EPHX1: variants seen among roughly 807,000 people sequenced by gnomAD.
EPHX1 encodes epoxide hydrolase 1.
In EPHX1, 40 loss-of-function variants were observed where a neutral mutation model predicts 43.2. That is an observed-to-expected ratio of 0.93 (90% confidence interval 0.72 to 1.21). The LOEUF is 1.21. EPHX1 is among the 50% of genes most tolerant of loss of function. EPHX1 has a pLI of 0.00. For missense variants in EPHX1, 550 were observed against 570.4 expected, an observed-to-expected ratio of 0.96 and a Z score of 0.36; for synonymous variants, 221 against 226.7, an observed-to-expected ratio of 0.98 and a Z score of 0.22.
chr1:225,832,705 C>G (rs1667681530), intron 3 of EPHX1, among the ~76,000 whole-genome samples: 1 of 152,214 alleles, frequency 6.6e-6, no homozygotes, highest in South Asian at 2.1e-4. Context: ...AAATCCTTGC[C>G]AATATTTTTT....
At chr1:225,837,820 CA>C (rs1197541416) in intron 3 of EPHX1, among the ~76,000 whole-genome samples, 1 of 151,930 alleles carries the variant, frequency 6.6e-6, no homozygotes, top group Non-Finnish European at 1.5e-5. Context: ...ACACCAGGCC[CA>C]AAAATACTCC....
At position 225,840,627 on chromosome 1, in the gene EPHX1, C is replaced by T. The variant is rs944192148; in HGVS notation, c.931+590C>T. Among the ~76,000 whole-genome samples the T allele has an allele frequency of 1.8e-4, 27 of 152,324 alleles. 1 individual carries two copies. The highest frequency in any genetic ancestry group is 1.7e-3 in the Admixed American group (26 of 15,298). On this transcript the variant is annotated intron_variant, in intron 6 of 8. Coordinates refer to ENST00000272167, the MANE Select transcript of EPHX1 (RefSeq NM_001136018.4). ...ATCCACAGAGTAATATCAATTAAAT[C>T]TCCATGGGACAAAATTCATTTGCCT... is the stretch of plus-strand genomic sequence containing the variant.
intron 3 of EPHX1, among the ~76,000 whole-genome samples, chr1:225,836,228 A>G (rs1231893306): frequency 6.6e-6 from 1 of 152,182 alleles, no homozygotes; most frequent in Non-Finnish European, 1.5e-5. Context: ...AATGGATATC[A>G]GGGGAAAAAC....
chr1:225,815,516 G>C (rs1465876844), intron 1 of EPHX1, among the ~76,000 whole-genome samples: 1 of 148,292 alleles, frequency 6.7e-6, no homozygotes, highest in African/African-American at 2.5e-5. Flanking sequence ...GCCTCCCAAA[G>C]TACTGGGATT....
chr1:225,812,078 G>A (rs1158429405), intron 1 of EPHX1, among the ~76,000 whole-genome samples: 1 of 152,162 alleles, frequency 6.6e-6, no homozygotes, highest in Non-Finnish European at 1.5e-5. Context: ...GCTGCCTGGG[G>A]TGCAGGTGCA....
intron 3 of EPHX1, among the ~76,000 whole-genome samples, chr1:225,833,077 C>T (rs778602173): frequency 7.9e-5 from 12 of 152,206 alleles, no homozygotes; most frequent in Non-Finnish European, 1.6e-4. Flanking sequence ...ACCACAGCCT[C>T]GAACTCCTGG....
At chr1:225,835,504 C>T (rs377098044) in intron 3 of EPHX1, among the ~76,000 whole-genome samples, 2 of 151,802 alleles carry the variant, frequency 1.3e-5, no homozygotes, top group East Asian at 1.9e-4. Context: ...ATTCTCCTGC[C>T]TCAGCCTCCC....
Position 225,844,549 on chromosome 1 carries a change from AG to A in EPHX1, c.1094del (p.Gly365AlafsTer19). ...LTNVMLYWTT[G>X]TIISSQRFYK... ...CCAACGTCATGCTCTACTGGACAAC[AG>A]GCACCATCATCTCCTCCCAGCGCTT... On this transcript the variant is annotated frameshift_variant, in exon 8 of 9. Transcript: ENST00000272167. LOFTEE classifies it high-confidence loss of function. 1.2e-6 allele frequency: 2 copies of A among 1,614,184 alleles called. No homozygotes were observed. The highest frequency in any genetic ancestry group is 1.7e-6 in the Non-Finnish European group (2 of 1,180,018).
chr1:225,825,589 CT>C (rs1667192282), intron 1 of EPHX1: 1 of 152,230 alleles, frequency 6.6e-6, no homozygotes, highest in South Asian at 2.1e-4. Flanking sequence ...GGTGATCCCT[CT>C]TTATTGTTCT....
In EPHX1 at chr1:225,845,409, G is replaced by A; in HGVS notation, c.*62G>A. The A allele has an allele frequency of 6.6e-7, 1 of 1,507,940 alleles. No homozygotes were observed. The highest frequency in any genetic ancestry group is 8.9e-7 in the Non-Finnish European group (1 of 1,121,748). 93.4% of individuals were successfully genotyped at this position (1,507,940 alleles called of 1,614,324 possible). ...AAGTGCCCTCCAGGCTTTTCTTGGG[G>A]AAGATACCCCTTTTCTGAGGAATGA... On this transcript the variant is annotated 3_prime_UTR_variant, in exon 9 of 9. Transcript: ENST00000272167.
intron 7 of EPHX1, 52 bp from the exon 8 acceptor site, chr1:225,844,446 C>A: frequency 1.9e-6 from 3 of 1,613,316 alleles, no homozygotes; most frequent in Non-Finnish European, 2.5e-6. Flanking sequence ...TGCCCTTTGT[C>A]ACACAACTGC....
At chr1:225,815,676 A>G (rs1666694775) in intron 1 of EPHX1, among the ~76,000 whole-genome samples, 1 of 151,996 alleles carries the variant, frequency 6.6e-6, no homozygotes, top group Non-Finnish European at 1.5e-5. Context: ...AAACAAACTA[A>G]CCTTCACCAC....
At chr1:225,814,958 A>G (rs1666650521) in intron 1 of EPHX1, among the ~76,000 whole-genome samples, 1 of 152,380 alleles carries the variant, frequency 6.6e-6, no homozygotes, top group East Asian at 1.9e-4. Context: ...TCCTGCAGTG[A>G]TAAGAGAAGA....
Position 225,845,158 on chromosome 1 carries a change from T to C in EPHX1, c.1179T>C (p.Tyr393=), listed in dbSNP as rs1299009815. The C allele has an allele frequency of 2.5e-6, 4 of 1,614,052 alleles. No individual in the cohort carries two copies. Among genetic ancestry groups the C allele is most frequent in the Admixed American group, 1.7e-5 (1 of 60,014 alleles). The part of the protein sequence containing the change: ...MTQKHERMKV[Y]VPTGFSAFPF... ...CTTTCACTTCCAGGATGAAGGTCTA[T>C]GTGCCCACTGGCTTCTCTGCCTTCC... The change falls in exon 9 of 9, where the codon TAT becomes TAC. Residue 393 remains tyrosine (Y), a synonymous_variant. Coordinates refer to ENST00000272167, the MANE Select transcript of EPHX1 (RefSeq NM_001136018.4).
In EPHX1 at chr1:225,828,765, C is replaced by T. The variant is rs148398736; in HGVS notation, c.36C>T (p.Gly12=). ...WLEILLTSVL[G]FAIYWFISRD... is the part of the protein sequence containing the mutation. ...AAATCCTCCTCACTTCAGTGCTGGGCTTTGCCATCTACTGGTTCATCTCCC... is the reference window on the plus strand; with the variant it reads ...AAATCCTCCTCACTTCAGTGCTGGGTTTTGCCATCTACTGGTTCATCTCCC... The change falls in exon 2 of 9, where the codon GGC becomes GGT. Residue 12 remains glycine (G), a synonymous_variant. Coordinates refer to ENST00000272167, the MANE Select transcript of EPHX1 (RefSeq NM_001136018.4). 112 of 1,613,394 alleles carry T rather than the reference C, an allele frequency of 6.9e-5. No individual in the cohort carries two copies. Among genetic ancestry groups the T allele is most frequent in the Non-Finnish European group, 9.2e-5 (108 of 1,179,942 alleles).
intron 2 of EPHX1, 107 bp from the exon 3 acceptor site, chr1:225,831,672 C>CAGT (rs1363779785): frequency 5.5e-6 from 6 of 1,092,070 alleles, no homozygotes; most frequent in Non-Finnish European, 8.3e-6. Flanking sequence ...TCCCAGAGGG[C>CAGT]AGTATCTTGT....
At chr1:225,833,281 TAA>T (rs1490809475) in intron 3 of EPHX1, among the ~76,000 whole-genome samples, 1 of 152,234 alleles carries the variant, frequency 6.6e-6, no homozygotes, top group African/African-American at 2.4e-5. Context: ...AGGAATTACT[TAA>T]AGTGTATGAA....
chr1:225,812,576 C>T (rs1238422560), intron 1 of EPHX1, among the ~76,000 whole-genome samples: 1 of 152,190 alleles, frequency 6.6e-6, no homozygotes, highest in African/African-American at 2.4e-5. Flanking sequence ...ATGCACAGTG[C>T]CCCTCCTGTC....
At chr1:225,812,853 TCGAGGGGTG>T (rs1666550853) in intron 1 of EPHX1, among the ~76,000 whole-genome samples, 1 of 152,184 alleles carries the variant, frequency 6.6e-6, no homozygotes, top group African/African-American at 2.4e-5. Flanking sequence ...AGATAGTGAT[TCGAGGGGTG>T]CCTAGGATCT....
Sources: gnomAD v4.1 joint callset for allele counts (sites outside exome capture counted in the v4.1 genomes callset) on GRCh38, gnomAD v4.1.1 for gene constraint, MANE v1.5 for transcripts, NCBI Gene and HGNC (gene_info 2026-07-23, HGNC 2026-07-21) for gene names.